The following PPFIA3 variants were observed in gnomAD, a reference collection of about 807,000 sequenced individuals.
PPFIA3 encodes liprin-alpha-3.
PPFIA3 carries 26 observed loss-of-function variants against 145.8 expected under a neutral mutation model. The observed-to-expected ratio is 0.18, with a 90% CI of 0.13 to 0.25. PPFIA3 has a LOEUF of 0.25. PPFIA3 is among the 10% of genes least tolerant of loss of function. The probability of loss-of-function intolerance (pLI) is 1.00; values close to 1 mark genes in which losing one functional copy is unlikely to be tolerated. For missense variants in PPFIA3, 1,008 were observed against 1,587.8 expected (o/e 0.63, Z 6.21); for synonymous variants, 645 against 661.4 (o/e 0.98, Z 0.38).
intron 21 of PPFIA3, 117 bp downstream of exon 21, chr19:49,143,121 G>A: frequency 1.7e-6 from 2 of 1,197,688 alleles, no homozygotes; most frequent in East Asian, 2.6e-5. Flanking sequence ...CTTCTCATTG[G>A]CTTTTACCCC....
At chr19:49,131,738 C>T (rs1451708023) in intron 7 of PPFIA3, among the ~76,000 whole-genome samples, 2 of 151,572 alleles carry the variant, frequency 1.3e-5, no homozygotes, top group African/African-American at 4.8e-5. Flanking sequence ...ATGCCAGGTG[C>T]GGTGGTTCAC....
intron 21 of PPFIA3, among the ~76,000 whole-genome samples, chr19:49,145,504 C>A (rs574657841): frequency 6.6e-6 from 1 of 152,132 alleles, no homozygotes; most frequent in Admixed American, 6.5e-5. Flanking sequence ...TGACACTCAC[C>A]AGAAGTACAT....
rs2041059972 is a variant in PPFIA3, at chr19:49,130,796, G to T, written c.879+197G>T. Among the ~76,000 whole-genome samples the T allele has an allele frequency of 6.6e-6, 1 of 152,184 alleles. No homozygotes were observed. The highest frequency in any genetic ancestry group is 2.4e-5 in the African/African-American group (1 of 41,430). On this transcript the variant is annotated intron_variant, in intron 7 of 29. Transcript: ENST00000334186. The surrounding 1 kb of genome is among the most constrained non-coding windows in gnomAD (Gnocchi z 4.5). The stretch of plus-strand genomic sequence containing the variant: ...GGTGAGCCTGTGGCGCAGAGTAGGC[G>T]CTCCATAACTGCTCGTAATTACTTT...
rs1361856725 is a variant in PPFIA3, at chr19:49,141,423, G to C, written c.2372G>C (p.Gly791Ala). The C allele has an allele frequency of 6.2e-7, 1 of 1,613,572 alleles. No individual in the cohort carries two copies. Among genetic ancestry groups the C allele is most frequent in the South Asian group, 1.1e-5 (1 of 91,016 alleles). The change falls in exon 19 of 30, where the codon GGA (glycine) becomes GCA (alanine). Residue 791 changes from glycine (G) to alanine (A), a missense_variant. Coordinates refer to ENST00000334186, the MANE Select transcript of PPFIA3 (RefSeq NM_003660.4). ...TTCGACCCCTCCCTGCCTCCAGCTGGAACACCCTCAGATGAGACACTGGCC... is the reference window on the plus strand; with the variant it reads ...TTCGACCCCTCCCTGCCTCCAGCTGCAACACCCTCAGATGAGACACTGGCC... ...PPGRDSSSLAGTPSDETLATD... is the reference protein window; with the variant it reads ...PPGRDSSSLAATPSDETLATD...
chr19:49,145,619 T>C, intron 21 of PPFIA3: 2 of 381,108 alleles, frequency 5.2e-6, no homozygotes, highest in South Asian at 5.5e-5. Flanking sequence ...ATTTGCACCA[T>C]GGCTGTGTCT....
intron 1 of PPFIA3, among the ~76,000 whole-genome samples, chr19:49,121,886 G>C (rs2040940256): frequency 6.6e-6 from 1 of 151,700 alleles, no homozygotes; most frequent in Non-Finnish European, 1.5e-5. Context: ...ATCCTTCTCT[G>C]TTGGCTCCCA....
intron 7 of PPFIA3, among the ~76,000 whole-genome samples, chr19:49,131,272 G>A (rs1261420288): frequency 7.5e-5 from 11 of 146,962 alleles, no homozygotes; most frequent in Admixed American, 2.1e-4. Context: ...AGGTTCAAGC[G>A]ATTCTCCTGC....
Position 49,120,840 on chromosome 19 carries a change from C to CTA in PPFIA3, c.-16+1119_-16+1120insAT, listed in dbSNP as rs1319028611. 6.6e-6 allele frequency among the ~76,000 whole-genome samples: 1 copy of CTA among 152,188 alleles called. No homozygotes were observed. Among genetic ancestry groups the CTA allele is most frequent in the African/African-American group, 2.4e-5 (1 of 41,446 alleles). On this transcript the variant is annotated intron_variant, in intron 1 of 29. Transcript: ENST00000334186. The surrounding 1 kb of genome is among the most constrained non-coding windows in gnomAD (Gnocchi z 4.6). ...TACTGCCCACCAGCTTTTACTGAGG[C>CTA]TGTCTGCCTCAACCCTCTCTCCAAA...
At chr19:49,145,450 G>C (rs1186876401) in intron 21 of PPFIA3, among the ~76,000 whole-genome samples, 1 of 152,068 alleles carries the variant, frequency 6.6e-6, no homozygotes, top group Non-Finnish European at 1.5e-5. Context: ...AGTGTCTGTC[G>C]TGTCCCTTGC....
chr19:49,130,533 C>A lies in PPFIA3; in HGVS notation c.813C>A (p.Gly271=). The change falls in exon 7 of 30, where the codon GGC becomes GGA. Residue 271 remains glycine (G), a synonymous_variant. Transcript: ENST00000334186. This position sits in a 1 kb window ranked among gnomAD's most constrained non-coding sequence, Gnocchi z 4.5. ...RQMSQLEEEL[G]TAHRELGKAE... ...TGAGCCAGCTGGAGGAGGAGTTGGG[C>A]ACCGCGCACCGTGAGCTGGGCAAGG... The A allele has an allele frequency of 6.3e-7, 1 of 1,581,806 alleles. No homozygotes were observed. Among genetic ancestry groups the A allele is most frequent in the Non-Finnish European group, 8.6e-7 (1 of 1,164,838 alleles).
intron 1 of PPFIA3, among the ~76,000 whole-genome samples, chr19:49,123,020 C>A (rs1369081827): frequency 6.7e-6 from 1 of 150,238 alleles, no homozygotes; most frequent in Non-Finnish European, 1.5e-5. Flanking sequence ...CACGCCCGGC[C>A]TGTTGTTTAG....
chr19:49,132,117 GT>G (rs1400718567), intron 7 of PPFIA3, among the ~76,000 whole-genome samples: 1 of 151,730 alleles, frequency 6.6e-6, no homozygotes, highest in Non-Finnish European at 1.5e-5. Context: ...CAGAGTGCTG[GT>G]TGCTCATGCC....
rs1224189382 is a variant in PPFIA3, at chr19:49,133,151, G to A, written c.1026+4G>A. The A allele has an allele frequency of 6.3e-7, 1 of 1,594,344 alleles. No individual in the cohort carries two copies. The highest frequency in any genetic ancestry group is 1.3e-5 in the African/African-American group (1 of 74,502). ...CAAGGAGTCGTTGTATCGGCAGGTG[G>A]GGGCGCGGCCGGGAGGGGCGATGGG... On this transcript the variant is annotated splice_donor_region_variant and intron_variant, in intron 8 of 29. Coordinates refer to ENST00000334186, the MANE Select transcript of PPFIA3 (RefSeq NM_003660.4). The surrounding 1 kb of genome is among the most constrained non-coding windows in gnomAD (Gnocchi z 7.2).
In PPFIA3 at chr19:49,127,951, G is replaced by C; in HGVS notation, c.78G>C (p.Gly26=). 2.5e-6 allele frequency: 4 copies of C among 1,594,644 alleles called. No individual in the cohort carries two copies. The highest frequency in any genetic ancestry group is 3.4e-6 in the Non-Finnish European group (4 of 1,178,104). ...CGCTGGGCCCGGACGAGGCGGGCGG[G>C]GAGCTGGAGCGCCTCATGGTCACGA... The part of the protein sequence containing the change: ...GSALGPDEAG[G]ELERLMVTML... The change falls in exon 2 of 30, where the codon GGG becomes GGC. Residue 26 remains glycine, a synonymous_variant. Transcript: ENST00000334186.
rs775462533 is a variant in PPFIA3, at chr19:49,146,180, C to T, written c.2823C>T (p.Ile941=). ...TAACGGGTCAGGAGACCAAGGAGAT[C>T]AGCTGGGAGCAGGTAGGGGGCGCGG... ...TATTKPETKE[I]SWEQILAYGD... Residue 941 remains isoleucine, a synonymous_variant, in exon 23 of 30, where the codon ATC becomes ATT. Transcript: ENST00000334186. The T allele has an allele frequency of 6.2e-7, 1 of 1,614,098 alleles. No homozygotes were observed. Among genetic ancestry groups the T allele is most frequent in the Non-Finnish European group, 8.5e-7 (1 of 1,180,016 alleles).
chr19:49,123,527 G>A (rs1322955536), intron 1 of PPFIA3, among the ~76,000 whole-genome samples: 1 of 151,272 alleles, frequency 6.6e-6, no homozygotes, highest in East Asian at 2.0e-4. Flanking sequence ...TGCAACCTCC[G>A]CCTCCCGTGT....
In PPFIA3 at chr19:49,120,078, C is replaced by T. The variant is rs1260108455; in HGVS notation, c.-16+356C>T. Reference sequence around the variant, plus strand: ...CCAGACTCCCCAGACGCGTCCGCATCGTCCCCGCTTCGCGCACTCCGTCTC... The same window carrying T: ...CCAGACTCCCCAGACGCGTCCGCATTGTCCCCGCTTCGCGCACTCCGTCTC... On this transcript the variant is annotated intron_variant, in intron 1 of 29. Transcript: ENST00000334186. This position sits in a 1 kb window ranked among gnomAD's most constrained non-coding sequence, Gnocchi z 4.6. Among the ~76,000 whole-genome samples, 1 of 152,060 alleles carries T rather than the reference C, an allele frequency of 6.6e-6. No individual in the cohort carries two copies. Among genetic ancestry groups the T allele is most frequent in the Non-Finnish European group, 1.5e-5 (1 of 67,988 alleles).
chr19:49,122,921 C>G (rs1056209304), intron 1 of PPFIA3, among the ~76,000 whole-genome samples: 6 of 150,224 alleles, frequency 4.0e-5, no homozygotes, highest in Non-Finnish European at 8.9e-5. Flanking sequence ...CGGGGTATCA[C>G]CGTGTTAGCC....
intron 21 of PPFIA3, among the ~76,000 whole-genome samples, chr19:49,144,897 CATT>C (rs768245835): frequency 1.3e-5 from 2 of 151,422 alleles, no homozygotes; most frequent in African/African-American, 2.4e-5. Context: ...AGGGCATTCA[CATT>C]GTTGTTAATT....
Sources: allele counts gnomAD v4.1 joint callset (sites outside exome capture counted in the v4.1 genomes callset), GRCh38; gene constraint gnomAD v4.1.1; non-coding constraint Gnocchi (gnomAD v3.1); transcripts MANE v1.5; gene names NCBI Gene and HGNC (gene_info 2026-07-23, HGNC 2026-07-21).